Variants in IPCEF1 observed in about 807,000 individuals in gnomAD.
IPCEF1 encodes interaction protein for cytohesin exchange factors 1.
Under a neutral mutation model 50.9 loss-of-function variants are expected in IPCEF1, and 31 were observed. The observed-to-expected ratio is 0.61, with a 90% CI of 0.46 to 0.82. The LOEUF (loss-of-function observed/expected upper bound fraction) is 0.82. Ranked by LOEUF, IPCEF1 falls within the 40% of genes least tolerant of loss-of-function variation. IPCEF1 has a pLI of 0.00. For missense variants in IPCEF1, 458 were observed against 514.0 expected (o/e 0.89, Z 1.05); for synonymous variants, 181 against 192.0 (o/e 0.94, Z 0.47).
intron 9 of IPCEF1, among the ~76,000 whole-genome samples, chr6:154,206,901 T>C (rs971781380): frequency 6.6e-6 from 1 of 152,208 alleles, no homozygotes; most frequent in African/African-American, 2.4e-5. Flanking sequence ...AAGACTGCAA[T>C]GGCAGCCTGA....
chr6:154,282,489 T>C (rs971152612), intron 2 of IPCEF1, among the ~76,000 whole-genome samples: 20 of 152,222 alleles, frequency 1.3e-4, no homozygotes, highest in African/African-American at 4.6e-4. Context: ...GAGACCATCC[T>C]GGCTAACACG....
chr6:154,325,793 A>G (rs1783504046), intron 1 of IPCEF1, among the ~76,000 whole-genome samples: 1 of 152,210 alleles, frequency 6.6e-6, no homozygotes, highest in South Asian at 2.1e-4. Context: ...TTAGTTTTAT[A>G]TAAAATCACT....
chr6:154,300,752 C>T (rs1411446727), intron 1 of IPCEF1, among the ~76,000 whole-genome samples: 1 of 152,222 alleles, frequency 6.6e-6, no homozygotes, highest in Non-Finnish European at 1.5e-5. Flanking sequence ...AAGAAACAGA[C>T]ATTTTATGCC....
intron 1 of IPCEF1, among the ~76,000 whole-genome samples, chr6:154,340,191 C>T (rs1783879957): frequency 6.6e-6 from 1 of 152,078 alleles, no homozygotes; most frequent in African/African-American, 2.4e-5. Flanking sequence ...GTCTTGACGA[C>T]ATGTGCCCAA....
chr6:154,306,227 T>G (rs946274725), intron 1 of IPCEF1, among the ~76,000 whole-genome samples: 3 of 152,184 alleles, frequency 2.0e-5, no homozygotes, highest in African/African-American at 7.2e-5. Flanking sequence ...TTTGAGCAGA[T>G]CTATCCAGAA....
At chr6:154,353,045 A>T (rs1310878306) in intron 1 of IPCEF1, among the ~76,000 whole-genome samples, 1 of 152,188 alleles carries the variant, frequency 6.6e-6, no homozygotes, top group Admixed American at 6.5e-5. Context: ...TAATCAGACC[A>T]GCCAGCCCCA....
chr6:154,176,337 A>G (rs1009716122), intron 10 of IPCEF1, among the ~76,000 whole-genome samples: 2 of 152,214 alleles, frequency 1.3e-5, no homozygotes, highest in Non-Finnish European at 2.9e-5. Context: ...ATCAGACAAG[A>G]GAAAGAAATA....
intron 5 of IPCEF1, among the ~76,000 whole-genome samples, chr6:154,239,543 G>A (rs535337065): frequency 5.3e-4 from 81 of 152,208 alleles, no homozygotes; most frequent in African/African-American, 1.7e-3. Flanking sequence ...ATTGTCTTGC[G>A]GTAAACCGGT....
chr6:154,217,642 A>C (rs1778521109), intron 7 of IPCEF1, among the ~76,000 whole-genome samples: 1 of 152,218 alleles, frequency 6.6e-6, no homozygotes, highest in East Asian at 1.9e-4. Context: ...ATGTATTATT[A>C]ACTAAAATAA....
chr6:154,249,197 A>C (rs1163782035), intron 3 of IPCEF1, among the ~76,000 whole-genome samples: 1 of 152,170 alleles, frequency 6.6e-6, no homozygotes, highest in Admixed American at 6.5e-5. Context: ...TCTCAGCCTC[A>C]CTTCACAAAT....
At chr6:154,269,944 A>G (rs1583927762) in intron 2 of IPCEF1, among the ~76,000 whole-genome samples, 1 of 152,218 alleles carries the variant, frequency 6.6e-6, no homozygotes, top group East Asian at 1.9e-4. Context: ...TGATGAAAAT[A>G]TATACATATA....
At chr6:154,204,179 A>G (rs1436204745) in intron 9 of IPCEF1, among the ~76,000 whole-genome samples, 3 of 152,216 alleles carry the variant, frequency 2.0e-5, no homozygotes, top group Non-Finnish European at 4.4e-5. Flanking sequence ...TCTGTATAGG[A>G]TAGTTTTAAT....
In IPCEF1 at chr6:154,223,373, G is replaced by A. The variant is rs141257703; in HGVS notation, c.247-130C>T. On this transcript the variant is annotated intron_variant, in intron 5 of 11. Transcript: ENST00000367220. ...AGAATCAAGAGATACCAACCACCCT[G>A]AATCACCATGGAGGTGTCCCAGATA... 63 of 716,822 alleles carry A rather than the reference G, an allele frequency of 8.8e-5. No individual in the cohort carries two copies. The African/African-American group carries it at 9.2e-4, about 10-fold the overall frequency. The allele number at this position is 716,822 out of a possible 1,614,324, so 44.4% of individuals were successfully genotyped here.
chr6:154,186,062 T>G (rs967433512), intron 10 of IPCEF1, among the ~76,000 whole-genome samples: 1 of 152,330 alleles, frequency 6.6e-6, no homozygotes, highest in Middle Eastern at 3.4e-3. Context: ...CTTCTCTGTG[T>G]TCTCTCTCCC....
chr6:154,231,008 CAA>C, intron 5 of IPCEF1, among the ~76,000 whole-genome samples: 1 of 152,232 alleles, frequency 6.6e-6, no homozygotes, highest in East Asian at 1.9e-4. Flanking sequence ...GCCGAAACTG[CAA>C]AAGTCTCCAT....
intron 1 of IPCEF1, among the ~76,000 whole-genome samples, chr6:154,343,151 G>A (rs1192142056): frequency 1.3e-5 from 2 of 152,160 alleles, no homozygotes; most frequent in African/African-American, 2.4e-5. Flanking sequence ...CCACAGGTGT[G>A]TCTGTGGCTC....
intron 1 of IPCEF1, among the ~76,000 whole-genome samples, chr6:154,318,148 T>C (rs1410962900): frequency 6.6e-6 from 1 of 152,114 alleles, no homozygotes; most frequent in Non-Finnish European, 1.5e-5. Context: ...AGACTAACCT[T>C]TGGAGAAAGA....
chr6:154,159,814 A>C lies in IPCEF1; in HGVS notation c.*14T>G. On this transcript the variant is annotated 3_prime_UTR_variant, in exon 12 of 12. Transcript: ENST00000367220. ...TTGTGATAAAATATAAGAGGAGAAA[A>C]CCCTGACTTTGTCTCAAATGGAATT... 1 of 1,593,598 alleles carries C rather than the reference A, an allele frequency of 6.3e-7. No homozygotes were observed. The highest frequency in any genetic ancestry group is 8.6e-7 in the Non-Finnish European group (1 of 1,164,732).
intron 1 of IPCEF1, among the ~76,000 whole-genome samples, chr6:154,344,620 A>G (rs998009839): frequency 2.0e-5 from 3 of 152,170 alleles, no homozygotes; most frequent in Non-Finnish European, 2.9e-5. Context: ...GGAGTGCTCA[A>G]TATGCCGGAG....
Sources: gnomAD v4.1 joint callset for allele counts (sites outside exome capture counted in the v4.1 genomes callset) on GRCh38, gnomAD v4.1.1 for gene constraint, MANE v1.5 for transcripts, NCBI Gene and HGNC (gene_info 2026-07-23, HGNC 2026-07-21) for gene names.